The following MAN1A1 variants were observed in gnomAD, a reference collection of about 807,000 sequenced individuals.
The protein encoded by MAN1A1 is mannosyl-oligosaccharide 1,2-alpha-mannosidase IA.
A neutral mutation model predicts 70.8 loss-of-function variants in MAN1A1; 29 were observed. The ratio of observed to expected loss-of-function variants is 0.41; its 90% confidence interval spans 0.31 to 0.56. The LOEUF (loss-of-function observed/expected upper bound fraction) is 0.56. MAN1A1 is among the 20% of genes least tolerant of loss of function. The pLI is 0.29. For missense variants in MAN1A1, 747 were observed against 841.3 expected (o/e 0.89, Z 1.39); for synonymous variants, 349 against 330.1 (o/e 1.06, Z -0.62).
In MAN1A1 at chr6:119,179,753, C is replaced by A; in HGVS notation, c.*66G>T. ...TCAAAGTTCATCATGTGCCTGATTA[C>A]CAGAAAAGGAATTATTAAGGTATAC... On this transcript the variant is annotated 3_prime_UTR_variant, in exon 13 of 13. Transcript: ENST00000368468. 6.9e-7 allele frequency: 1 copy of A among 1,451,998 alleles called. No homozygotes were observed. Among genetic ancestry groups the A allele is most frequent in the Non-Finnish European group, 9.5e-7 (1 of 1,051,598 alleles). The allele number at this position is 1,451,998 out of a possible 1,614,324, so 89.9% of individuals were successfully genotyped here.
intron 6 of MAN1A1, among the ~76,000 whole-genome samples, chr6:119,222,326 A>ATTT (rs35446116): frequency 7.8e-5 from 9 of 115,306 alleles, no homozygotes; most frequent in Non-Finnish European, 1.3e-4. Context: ...TTTTTTAAGG[A>ATTT]TTTTTTTTTT....
intron 4 of MAN1A1, among the ~76,000 whole-genome samples, chr6:119,295,506 A>G (rs1316550906): frequency 1.3e-5 from 2 of 152,118 alleles, no homozygotes; most frequent in Non-Finnish European, 2.9e-5. Context: ...TTAGAGTCAC[A>G]CTTATATTAG....
intron 5 of MAN1A1, among the ~76,000 whole-genome samples, chr6:119,252,621 G>A (rs191891147): frequency 9.2e-5 from 14 of 152,038 alleles, no homozygotes; most frequent in African/African-American, 3.1e-4. Context: ...GTGAAACCCC[G>A]TCTCTACTAA....
intron 5 of MAN1A1, among the ~76,000 whole-genome samples, chr6:119,248,582 T>C (rs1487651278): frequency 1.3e-5 from 2 of 152,212 alleles, no homozygotes; most frequent in Non-Finnish European, 2.9e-5. Flanking sequence ...CTCATTAGAA[T>C]CATGTGGGGA....
At chr6:119,270,926 T>C (rs1282568916) in intron 5 of MAN1A1, among the ~76,000 whole-genome samples, 1 of 152,230 alleles carries the variant, frequency 6.6e-6, no homozygotes, top group East Asian at 1.9e-4. Context: ...CTGTGAATAT[T>C]GCAGTTTACT....
At chr6:119,195,581 C>T (rs1207986320) in intron 8 of MAN1A1, among the ~76,000 whole-genome samples, 2 of 152,182 alleles carry the variant, frequency 1.3e-5, no homozygotes, top group African/African-American at 4.8e-5. Flanking sequence ...GTAACATTTT[C>T]TTCTGTCTCC....
intron 4 of MAN1A1, among the ~76,000 whole-genome samples, chr6:119,297,791 G>GTGTT: frequency 1.2e-5 from 1 of 83,032 alleles, no homozygotes; most frequent in East Asian, 2.5e-4. Flanking sequence ...CCAGGCTGGA[G>GTGTT]TTTTTTTGTT....
intron 5 of MAN1A1, among the ~76,000 whole-genome samples, chr6:119,255,185 T>C (rs1022025082): frequency 5.3e-5 from 8 of 152,208 alleles, no homozygotes; most frequent in Non-Finnish European, 1.0e-4. Context: ...TAAGAACAGA[T>C]GGCTTTGGAA....
chr6:119,342,637 T>C (rs1562249751), intron 2 of MAN1A1, among the ~76,000 whole-genome samples: 1 of 152,208 alleles, frequency 6.6e-6, no homozygotes, highest in African/African-American at 2.4e-5. Flanking sequence ...TTGCTTCAAA[T>C]GGATGGATCA....
intron 6 of MAN1A1, among the ~76,000 whole-genome samples, chr6:119,246,764 G>A (rs1261684306): frequency 1.3e-5 from 2 of 152,140 alleles, no homozygotes; most frequent in Non-Finnish European, 2.9e-5. Context: ...AAGGTCTACA[G>A]GAGTCAAATA....
intron 2 of MAN1A1, chr6:119,331,889 C>A (rs769153663): frequency 1.3e-5 from 6 of 465,846 alleles, no homozygotes; most frequent in Non-Finnish European, 2.1e-5. Flanking sequence ...GGGAACCCAG[C>A]AGAGATGAGT....
intron 2 of MAN1A1, among the ~76,000 whole-genome samples, chr6:119,338,993 G>C (rs1384036058): frequency 6.6e-6 from 1 of 152,156 alleles, no homozygotes; most frequent in Non-Finnish European, 1.5e-5. Flanking sequence ...AGGCCTCCAA[G>C]CTCTGCCATC....
At chr6:119,226,138 T>C (rs574969042) in intron 6 of MAN1A1, among the ~76,000 whole-genome samples, 2 of 152,052 alleles carry the variant, frequency 1.3e-5, no homozygotes, top group African/African-American at 4.8e-5. Flanking sequence ...AGAGCAGCCA[T>C]GAGAAAAGAA....
In MAN1A1 at chr6:119,349,686, G is replaced by T. The variant is rs1421451586; in HGVS notation, c.-367C>A. ...CGCAGCCCCGGCGCGGCTCAGGTGG[G>T]CGAGCGCGCCGACCTGCGGGCGAAT... On this transcript the variant is annotated 5_prime_UTR_variant, in exon 1 of 13. Coordinates refer to ENST00000368468, the MANE Select transcript of MAN1A1 (RefSeq NM_005907.4). 1.0e-6 allele frequency: 1 copy of T among 985,768 alleles called. No homozygotes were observed. Among genetic ancestry groups the T allele is most frequent in the African/African-American group, 1.7e-5 (1 of 57,258 alleles). 61.1% of individuals were successfully genotyped at this position (985,768 alleles called of 1,614,324 possible).
At chr6:119,240,586 A>C (rs193026251) in intron 6 of MAN1A1, among the ~76,000 whole-genome samples, 4 of 152,308 alleles carry the variant, frequency 2.6e-5, no homozygotes, top group Admixed American at 2.6e-4. Context: ...CTGAGTGTTA[A>C]CTTCAATTAT....
At chr6:119,247,281 C>T (rs942229600) in intron 6 of MAN1A1, among the ~76,000 whole-genome samples, 3 of 152,140 alleles carry the variant, frequency 2.0e-5, no homozygotes, top group Non-Finnish European at 2.9e-5. Context: ...CATCTAAGTA[C>T]ATATTCTAGC....
chr6:119,191,749 T>G (rs1026578176), intron 9 of MAN1A1, among the ~76,000 whole-genome samples: 1 of 152,142 alleles, frequency 6.6e-6, no homozygotes, highest in East Asian at 1.9e-4. Flanking sequence ...AATAATCAAA[T>G]AAAACATATC....
intron 5 of MAN1A1, among the ~76,000 whole-genome samples, chr6:119,278,672 T>G (rs1052819274): frequency 2.0e-5 from 3 of 152,168 alleles, no homozygotes; most frequent in Non-Finnish European, 2.9e-5. Context: ...CCCCCAGTGT[T>G]GGAAGGTGGG....
At chr6:119,317,946 T>G (rs1046406601) in intron 2 of MAN1A1, among the ~76,000 whole-genome samples, 1 of 152,136 alleles carries the variant, frequency 6.6e-6, no homozygotes, top group Non-Finnish European at 1.5e-5. Context: ...TATTAATAAG[T>G]GGAATATCCG....
Sources: allele counts gnomAD v4.1 joint callset (sites outside exome capture counted in the v4.1 genomes callset), GRCh38; gene constraint gnomAD v4.1.1; transcripts MANE v1.5; gene names NCBI Gene and HGNC (gene_info 2026-07-23, HGNC 2026-07-21).